The following SPON1 variants were observed in gnomAD, a reference collection of about 807,000 sequenced individuals.
The protein encoded by SPON1 is spondin-1.
Under a neutral mutation model 111.7 loss-of-function variants are expected in SPON1, and 52 were observed. The observed-to-expected ratio is 0.47, with a 90% CI of 0.37 to 0.59. The LOEUF (loss-of-function observed/expected upper bound fraction) is 0.59, where lower values mean the gene tolerates loss of function less well. Among genes scored for constraint, SPON1 ranks in the 20% least tolerant of loss-of-function variants. The pLI is 0.00. For synonymous variants in SPON1, 410 were observed against 395.8 expected (o/e 1.04, Z -0.43); for missense variants, 957 against 1,068.5 (o/e 0.90, Z 1.46).
chr11:14,150,301 T>C (rs1424116847), intron 6 of SPON1, among the ~76,000 whole-genome samples: 1 of 151,812 alleles, frequency 6.6e-6, no homozygotes, highest in African/African-American at 2.4e-5. Flanking sequence ...TGTGGAATAG[T>C]GGTTACTGGA....
intron 2 of SPON1, among the ~76,000 whole-genome samples, chr11:13,989,426 A>C (rs1554910826): frequency 6.6e-6 from 1 of 151,722 alleles, no homozygotes. Flanking sequence ...GCATCTATTG[A>C]TTCTACTCTC....
At position 14,080,038 on chromosome 11, in the gene SPON1, C is replaced by G; in HGVS notation, c.676+17C>G. ...ATTACCCTCGTGAGTAGAGTGGCTA[C>G]TCTGTGGTTTGGGGAAAAGCACATT... On this transcript the variant is annotated intron_variant, in intron 5 of 15. Coordinates refer to ENST00000576479, the MANE Select transcript of SPON1 (RefSeq NM_006108.4). 6 of 1,613,530 alleles carry G rather than the reference C, an allele frequency of 3.7e-6. No individual in the cohort carries two copies. The South Asian group carries it at 5.5e-5, about 15-fold the overall frequency.
chr11:14,250,953 GC>G (rs1849046920), intron 7 of SPON1, among the ~76,000 whole-genome samples: 1 of 152,194 alleles, frequency 6.6e-6, no homozygotes. Flanking sequence ...TCCATGGCAT[GC>G]CAAGTTCTAA....
chr11:14,231,805 T>C (rs7103919), intron 6 of SPON1, among the ~76,000 whole-genome samples: 39,327 of 149,750 alleles, frequency 0.26, 5,335 homozygotes, highest in Admixed American at 0.38. Context: ...CAGCAATGTC[T>C]AAAAAAAAAA....
rs150056087 is a variant in SPON1, at chr11:14,030,268, G to A, written c.346-11253G>A. ...GCCAGGTTATTAGCCTGCCCAGGGC[G>A]CCTACGCATCTTGGCCCAGCCTTGC... On this transcript the variant is annotated intron_variant, in intron 2 of 15. Transcript: ENST00000576479. Among the ~76,000 whole-genome samples the A allele has an allele frequency of 1.4e-4, 21 of 152,330 alleles. No individual in the cohort carries two copies. The East Asian group carries it at 2.9e-3, about 21-fold the overall frequency.
At chr11:14,016,239 G>A (rs1311885948) in intron 2 of SPON1, among the ~76,000 whole-genome samples, 2 of 152,138 alleles carry the variant, frequency 1.3e-5, no homozygotes, top group African/African-American at 4.8e-5. Flanking sequence ...TAAGTGCTAC[G>A]CACTTTACAC....
chr11:14,053,361 C>T (rs1456053019), intron 3 of SPON1, among the ~76,000 whole-genome samples: 1 of 152,158 alleles, frequency 6.6e-6, no homozygotes, highest in Non-Finnish European at 1.5e-5. Flanking sequence ...TATGGACTTA[C>T]CTATTCTTGA....
intron 2 of SPON1, among the ~76,000 whole-genome samples, chr11:13,985,873 C>T (rs1848178634): frequency 6.6e-6 from 1 of 152,176 alleles, no homozygotes; most frequent in African/African-American, 2.4e-5. Flanking sequence ...CATCAAAATG[C>T]ACACTCCGCT....
intron 3 of SPON1, among the ~76,000 whole-genome samples, chr11:14,061,485 T>C (rs1212180447): frequency 3.3e-5 from 5 of 152,222 alleles, no homozygotes; most frequent in Non-Finnish European, 7.3e-5. Flanking sequence ...GGTCAAGCTT[T>C]TAAATTACTC....
chr11:14,197,345 C>T (rs928711106), intron 6 of SPON1, among the ~76,000 whole-genome samples: 3 of 151,984 alleles, frequency 2.0e-5, no homozygotes, highest in Non-Finnish European at 4.4e-5. Context: ...TGAGTTGTTA[C>T]GGGCCCCACT....
At chr11:14,150,610 A>C (rs1847775528) in intron 6 of SPON1, among the ~76,000 whole-genome samples, 1 of 152,206 alleles carries the variant, frequency 6.6e-6, no homozygotes, top group Non-Finnish European at 1.5e-5. Flanking sequence ...TAATAATAAA[A>C]GATAAAAGAA....
At position 13,963,082 on chromosome 11, in the gene SPON1, G is replaced by A. The variant is rs868975196; in HGVS notation, c.178G>A (p.Glu60Lys). The A allele has an allele frequency of 3.2e-6, 5 of 1,564,374 alleles. No individual in the cohort carries two copies. The African/African-American group carries it at 5.5e-5, about 17-fold the overall frequency. ...GGGCACGCGGCGCGAGGGCTACACC[G>A]AGTTCAGCCTCCGCGTGGAGGGCGA... is the stretch of plus-strand genomic sequence containing the variant. The part of the protein sequence containing the change: ...AQGTRREGYT[E>K]FSLRVEGDPD... The change falls in exon 1 of 16, where the codon GAG becomes AAG. Residue 60 changes from glutamate (E) to lysine (K), a missense_variant. Coordinates refer to ENST00000576479, the MANE Select transcript of SPON1 (RefSeq NM_006108.4).
chr11:14,085,428 T>G (rs532828345), intron 5 of SPON1, among the ~76,000 whole-genome samples: 18 of 152,284 alleles, frequency 1.2e-4, no homozygotes, highest in Non-Finnish European at 2.2e-4. Flanking sequence ...GCTTTTTTTT[T>G]GTCAGATTTG....
intron 1 of SPON1, 79 bp from the exon 2 acceptor site, chr11:13,982,768 G>T: frequency 1.0e-6 from 1 of 956,632 alleles, no homozygotes; most frequent in East Asian, 2.6e-5. Flanking sequence ...TATCGATGGA[G>T]AACTCAGGTC....
intron 2 of SPON1, among the ~76,000 whole-genome samples, chr11:14,015,646 G>T (rs782489977): frequency 6.6e-6 from 1 of 152,188 alleles, no homozygotes; most frequent in African/African-American, 2.4e-5. Context: ...TCAAAGATGT[G>T]GTTGATTGAC....
At chr11:14,220,979 A>G (rs929711278) in intron 6 of SPON1, among the ~76,000 whole-genome samples, 1 of 152,232 alleles carries the variant, frequency 6.6e-6, no homozygotes, top group Non-Finnish European at 1.5e-5. Flanking sequence ...GGGACAGAGG[A>G]CCCAGCCTGA....
intron 6 of SPON1, among the ~76,000 whole-genome samples, chr11:14,229,952 G>A (rs1244092922): frequency 4.5e-4 from 1 of 2,216 alleles, no homozygotes; most frequent in Non-Finnish European, 1.3e-3. Flanking sequence ...CTGTGTGTCC[G>A]TGTGTGTGTG....
chr11:14,153,102 G>A (rs1286141210), intron 6 of SPON1, among the ~76,000 whole-genome samples: 12 of 152,226 alleles, frequency 7.9e-5, no homozygotes, highest in East Asian at 3.9e-4. Context: ...ACCTCCATTC[G>A]CATGTTAGTT....
intron 5 of SPON1, among the ~76,000 whole-genome samples, chr11:14,124,421 T>C (rs1338103425): frequency 2.6e-5 from 4 of 152,216 alleles, no homozygotes; most frequent in African/African-American, 9.6e-5. Flanking sequence ...CCCTTATTTG[T>C]GCTGTGACAT....
Sources: allele counts gnomAD v4.1 joint callset (sites outside exome capture counted in the v4.1 genomes callset), GRCh38; gene constraint gnomAD v4.1.1; transcripts MANE v1.5; gene names NCBI Gene and HGNC (gene_info 2026-07-23, HGNC 2026-07-21).